EYS: variants seen among roughly 807,000 people sequenced by gnomAD.
EYS encodes the protein EGF-like photoreceptor maintenance factor, also known as protein eyes shut homolog.
Under a neutral mutation model 282.1 loss-of-function variants are expected in EYS, and 250 were observed. The ratio of observed to expected loss-of-function variants is 0.89; its 90% CI spans 0.80 to 0.98. EYS has a LOEUF of 0.98. Ranked by LOEUF, EYS falls within the 50% of genes least tolerant of loss-of-function variation. The pLI is 0.00. For missense variants in EYS, 4,016 were observed against 3,709.0 expected (o/e 1.08, Z -2.15); for synonymous variants, 1,355 against 1,282.9 (o/e 1.06, Z -1.20).
At chr6:65,087,868 C>T (rs183016220) in intron 12 of EYS, among the ~76,000 whole-genome samples, 3 of 152,242 alleles carry the variant, frequency 2.0e-5, no homozygotes, top group East Asian at 3.9e-4. Context: ...AATTGTCATC[C>T]CCATAATCCA....
chr6:64,330,340 G>A (rs1770591950), intron 29 of EYS, among the ~76,000 whole-genome samples: 1 of 152,138 alleles, frequency 6.6e-6, no homozygotes, highest in Admixed American at 6.5e-5. Context: ...AGTTTTTAGG[G>A]GCAGCTGGTT....
intron 5 of EYS, among the ~76,000 whole-genome samples, chr6:65,436,446 T>C (rs939829399): frequency 3.3e-5 from 5 of 152,004 alleles, no homozygotes; most frequent in African/African-American, 1.2e-4. Context: ...GCCAGAGCAA[T>C]GTGACAAGAA....
intron 13 of EYS, among the ~76,000 whole-genome samples, chr6:65,011,491 T>A (rs560564388): frequency 2.6e-5 from 4 of 152,178 alleles, no homozygotes; most frequent in Non-Finnish European, 5.9e-5. Context: ...AGCTAGCCCA[T>A]GCTCTGAAGT....
chr6:64,586,987 G>A (rs1431333383), intron 26 of EYS, among the ~76,000 whole-genome samples: 1 of 151,986 alleles, frequency 6.6e-6, no homozygotes, highest in Non-Finnish European at 1.5e-5. Context: ...TCCTTTGTAT[G>A]TTAAATTAAA....
chr6:64,419,095 A>T (rs958526373), intron 28 of EYS, among the ~76,000 whole-genome samples: 1 of 152,170 alleles, frequency 6.6e-6, no homozygotes, highest in Non-Finnish European at 1.5e-5. Context: ...TCAAAATTTC[A>T]TCCTGGCTAG....
intron 22 of EYS, among the ~76,000 whole-genome samples, chr6:64,783,502 T>C (rs1190402383): frequency 6.6e-6 from 1 of 152,080 alleles, no homozygotes; most frequent in East Asian, 1.9e-4. Flanking sequence ...GGAAAATTAA[T>C]TTTAAGAAAT....
chr6:65,295,660 G>C (rs1277784713), intron 12 of EYS: 1 of 572,242 alleles, frequency 1.7e-6, no homozygotes, highest in Non-Finnish European at 3.1e-6. Flanking sequence ...CATGAGCAAG[G>C]CTGTGTAGTC....
At chr6:65,543,762 T>C (rs1768271488) in intron 2 of EYS, among the ~76,000 whole-genome samples, 1 of 152,168 alleles carries the variant, frequency 6.6e-6, no homozygotes, top group South Asian at 2.1e-4. Flanking sequence ...GCTCTAACAT[T>C]GTGAATCACA....
chr6:64,858,171 C>G (rs1251895570), intron 19 of EYS, among the ~76,000 whole-genome samples: 1 of 152,060 alleles, frequency 6.6e-6, no homozygotes, highest in South Asian at 2.1e-4. Context: ...AAATTATTGG[C>G]CAAACCAATG....
intron 7 of EYS, among the ~76,000 whole-genome samples, chr6:65,389,464 T>G (rs1765926960): frequency 1.3e-5 from 2 of 152,162 alleles, no homozygotes; most frequent in Admixed American, 1.3e-4. Context: ...TTAGCTTTTT[T>G]GATGAGACTT....
At chr6:65,643,633 G>A (rs1176822000) in intron 1 of EYS, among the ~76,000 whole-genome samples, 1 of 152,132 alleles carries the variant, frequency 6.6e-6, no homozygotes, top group Non-Finnish European at 1.5e-5. Context: ...CACAAAACCA[G>A]TGCACTGAAC....
intron 2 of EYS, among the ~76,000 whole-genome samples, chr6:65,586,890 T>C (rs1765068423): frequency 6.6e-6 from 1 of 152,062 alleles, no homozygotes; most frequent in African/African-American, 2.4e-5. Context: ...TAAAATGCCT[T>C]AGTAATTTCA....
intron 2 of EYS, among the ~76,000 whole-genome samples, chr6:65,619,771 T>C (rs1251899874): frequency 1.3e-5 from 2 of 151,464 alleles, no homozygotes; most frequent in African/African-American, 4.8e-5. Context: ...GAAGGGTTGT[T>C]GAATTTTGTC....
intron 35 of EYS, among the ~76,000 whole-genome samples, chr6:63,870,624 G>A (rs1411754950): frequency 1.3e-5 from 2 of 152,104 alleles, no homozygotes; most frequent in Non-Finnish European, 2.9e-5. Context: ...AAGAAATTTA[G>A]AGGTGTTCTT....
chr6:64,719,583 T>A (rs894688370), intron 22 of EYS, among the ~76,000 whole-genome samples: 1 of 152,178 alleles, frequency 6.6e-6, no homozygotes, highest in Non-Finnish European at 1.5e-5. Context: ...GCAGGCAAAC[T>A]CCATTTGCCT....
chr6:63,742,587 T>C (rs1769103877), intron 41 of EYS, among the ~76,000 whole-genome samples: 1 of 152,080 alleles, frequency 6.6e-6, no homozygotes, highest in Non-Finnish European at 1.5e-5. Flanking sequence ...TAACCCCTCT[T>C]CCTATGCCAA....
chr6:64,955,682 C>T (rs1769679562), intron 14 of EYS, among the ~76,000 whole-genome samples: 1 of 152,168 alleles, frequency 6.6e-6, no homozygotes, highest in Admixed American at 6.5e-5. Context: ...CTTAGGCATT[C>T]TTGGGTAATA....
intron 30 of EYS, among the ~76,000 whole-genome samples, chr6:64,304,908 G>T (rs940041718): frequency 5.3e-5 from 8 of 152,062 alleles, no homozygotes; most frequent in Non-Finnish European, 1.2e-4. Flanking sequence ...TAATGCTTGT[G>T]TTAAAAAATA....
chr6:63,810,079 TAAA>T (rs59987621), intron 36 of EYS, among the ~76,000 whole-genome samples: 1 of 136,406 alleles, frequency 7.3e-6, no homozygotes. Flanking sequence ...GCCTCTACTT[TAAA>T]AAAAAAAAAA....
Sources: allele counts gnomAD v4.1 joint callset (sites outside exome capture counted in the v4.1 genomes callset), GRCh38; gene constraint gnomAD v4.1.1; transcripts MANE v1.5; gene names NCBI Gene and HGNC (gene_info 2026-07-23, HGNC 2026-07-21).